The following CTNNA3 variants were observed in gnomAD, a reference collection of about 807,000 sequenced individuals.
CTNNA3 encodes catenin alpha-3.
A neutral mutation model predicts 95.7 loss-of-function variants in CTNNA3; 76 were observed. The ratio of observed to expected loss-of-function variants is 0.79; its 90% CI spans 0.66 to 0.96. The LOEUF (loss-of-function observed/expected upper bound fraction) is 0.96, where lower values mean the gene tolerates loss of function less well. Ranked by LOEUF, CTNNA3 falls within the 40% of genes least tolerant of loss-of-function variation. CTNNA3 has a pLI of 0.00. For missense variants in CTNNA3, 1,191 were observed against 1,089.8 expected (o/e 1.09, Z -1.31); for synonymous variants, 431 against 374.4 (o/e 1.15, Z -1.74).
intron 15 of CTNNA3, among the ~76,000 whole-genome samples, chr10:66,035,202 G>C (rs575708911): frequency 3.9e-5 from 6 of 152,212 alleles, no homozygotes; most frequent in Admixed American, 2.0e-4. Flanking sequence ...TAATTAGATG[G>C]ATAAATAGAA....
intron 5 of CTNNA3, among the ~76,000 whole-genome samples, chr10:67,274,593 T>G (rs2132426566): frequency 6.6e-6 from 1 of 152,204 alleles, no homozygotes; most frequent in African/African-American, 2.4e-5. Flanking sequence ...TTTAGGAGGC[T>G]GAGGCCAGCG....
chr10:67,346,994 A>C (rs1842445095), intron 5 of CTNNA3, among the ~76,000 whole-genome samples: 1 of 151,996 alleles, frequency 6.6e-6, no homozygotes, highest in African/African-American at 2.4e-5. Context: ...TAAAATTATG[A>C]GAATTTTTTT....
At chr10:66,009,048 C>T (rs937409736) in intron 15 of CTNNA3, among the ~76,000 whole-genome samples, 5 of 151,760 alleles carry the variant, frequency 3.3e-5, no homozygotes, top group Non-Finnish European at 5.9e-5. Context: ...TGCTGTGAGC[C>T]GAGATGGTGC....
At chr10:67,657,926 A>T (rs1447357932) in intron 1 of CTNNA3, among the ~76,000 whole-genome samples, 6 of 151,764 alleles carry the variant, frequency 4.0e-5, no homozygotes, top group Admixed American at 3.3e-4. Context: ...ACAGCCCTGC[A>T]AGTGTTAGCA....
At chr10:66,756,392 C>T (rs950795576) in intron 9 of CTNNA3, among the ~76,000 whole-genome samples, 3 of 152,070 alleles carry the variant, frequency 2.0e-5, no homozygotes, top group Admixed American at 6.5e-5. Context: ...TAAGACAAAG[C>T]GATCAACGCA....
At chr10:66,246,653 T>A (rs1185245435) in intron 13 of CTNNA3, among the ~76,000 whole-genome samples, 1 of 151,588 alleles carries the variant, frequency 6.6e-6, no homozygotes, top group African/African-American at 2.4e-5. Context: ...TAACAGAGAC[T>A]GAAATTAAAA....
intron 7 of CTNNA3, among the ~76,000 whole-genome samples, chr10:67,036,275 C>CT (rs373402264): frequency 9.4e-4 from 136 of 145,452 alleles, no homozygotes; most frequent in East Asian, 4.2e-3. Flanking sequence ...CCACACCCAG[C>CT]TTTTTTTTTT....
chr10:66,832,934 CT>C (rs777772422), intron 7 of CTNNA3, among the ~76,000 whole-genome samples: 5 of 152,154 alleles, frequency 3.3e-5, no homozygotes, highest in Non-Finnish European at 7.4e-5. Context: ...GCATCACATT[CT>C]ATTTGAGCTT....
In CTNNA3 at chr10:66,802,939, A is replaced by C. The variant is rs188915852; in HGVS notation, c.1048-27415T>G. Reference sequence around the variant, plus strand: ...TATGTTCAAAGAAATCTGAACCTTGATCATCTGAGGGGTTGTGGTGTATAA... The same window carrying C: ...TATGTTCAAAGAAATCTGAACCTTGCTCATCTGAGGGGTTGTGGTGTATAA... On this transcript the variant is annotated intron_variant, in intron 7 of 17. Coordinates refer to ENST00000433211, the MANE Select transcript of CTNNA3 (RefSeq NM_013266.4). Among the ~76,000 whole-genome samples the C allele has an allele frequency of 8.5e-5, 13 of 152,066 alleles. No homozygotes were observed. The South Asian group carries it at 2.1e-3, about 24-fold the overall frequency.
intron 7 of CTNNA3, among the ~76,000 whole-genome samples, chr10:67,009,696 T>C (rs1852208224): frequency 6.6e-6 from 1 of 152,158 alleles, no homozygotes; most frequent in Non-Finnish European, 1.5e-5. Context: ...ATTTGATGGT[T>C]GTAGATTGAG....
intron 5 of CTNNA3, among the ~76,000 whole-genome samples, chr10:67,424,743 G>T (rs1395278227): frequency 2.6e-5 from 4 of 151,856 alleles, no homozygotes; most frequent in Admixed American, 2.6e-4. Context: ...ATATTTATTT[G>T]TCTAATTATG....
rs181237588 is a variant in CTNNA3 at position 66,689,009 on chromosome 10, C to T, written c.1282-67225G>A. On this transcript the variant is annotated intron_variant, in intron 9 of 17. Coordinates refer to ENST00000433211, the MANE Select transcript of CTNNA3 (RefSeq NM_013266.4). ...CAGGGACCAAATGCCTATTTTAATA[C>T]CCCCAAATACCTAGAAGAATACTTG... Among the ~76,000 whole-genome samples, 1,202 of 151,304 alleles carry T rather than the reference C, an allele frequency of 7.9e-3. 8 individuals carry two copies. The highest frequency in any genetic ancestry group is 0.013 in the Non-Finnish European group (857 of 67,804).
intron 10 of CTNNA3, among the ~76,000 whole-genome samples, chr10:66,525,679 T>C (rs1841231171): frequency 6.6e-6 from 1 of 152,070 alleles, no homozygotes; most frequent in African/African-American, 2.4e-5. Context: ...ATATATAAAA[T>C]TCGCTAAGTT....
chr10:66,103,689 A>G (rs1414353679), intron 13 of CTNNA3, among the ~76,000 whole-genome samples: 9 of 151,632 alleles, frequency 5.9e-5, no homozygotes, highest in African/African-American at 2.2e-4. Context: ...CTATAGCAAT[A>G]GAGATTTAAT....
chr10:66,251,600 A>T (rs894130287), intron 13 of CTNNA3, among the ~76,000 whole-genome samples: 16 of 152,188 alleles, frequency 1.1e-4, no homozygotes, highest in African/African-American at 3.6e-4. Context: ...GACCAAATTG[A>T]AACATAATAG....
intron 11 of CTNNA3, among the ~76,000 whole-genome samples, chr10:66,428,550 T>G (rs1300589553): frequency 6.6e-6 from 1 of 152,026 alleles, no homozygotes; most frequent in South Asian, 2.1e-4. Context: ...TATAACAAAC[T>G]GTCTCTCAAA....
chr10:66,436,903 C>T (rs1412874737), intron 11 of CTNNA3, among the ~76,000 whole-genome samples: 2 of 152,092 alleles, frequency 1.3e-5, no homozygotes, highest in African/African-American at 4.8e-5. Context: ...AATCTCTCAG[C>T]ATTTGCTTGT....
chr10:66,169,048 T>C (rs1333217935), intron 13 of CTNNA3, among the ~76,000 whole-genome samples: 1 of 152,186 alleles, frequency 6.6e-6, no homozygotes, highest in Non-Finnish European at 1.5e-5. Context: ...TACCAATTAA[T>C]TGTCTATTTT....
chr10:66,515,158 A>T (rs1210941128), intron 11 of CTNNA3, among the ~76,000 whole-genome samples: 2 of 151,228 alleles, frequency 1.3e-5, no homozygotes, highest in Non-Finnish European at 2.9e-5. Context: ...TTAAATTTTT[A>T]TTTGTATTTA....
Sources: gnomAD v4.1 joint callset for allele counts (sites outside exome capture counted in the v4.1 genomes callset) on GRCh38, gnomAD v4.1.1 for gene constraint, MANE v1.5 for transcripts, NCBI Gene and HGNC (gene_info 2026-07-23, HGNC 2026-07-21) for gene names.